MTA3: variants seen among roughly 807,000 people sequenced by gnomAD.
The protein encoded by MTA3 is metastasis-associated protein MTA3.
MTA3 carries 34 observed loss-of-function variants against 83.5 expected under a neutral mutation model. That is an observed-to-expected ratio of 0.41 (90% CI 0.31 to 0.54). The LOEUF is 0.54. Among genes scored for constraint, MTA3 ranks in the 20% least tolerant of loss-of-function variants. The pLI, the probability that MTA3 is intolerant of heterozygous loss-of-function variation, is 0.33. For synonymous variants in MTA3, 303 were observed against 252.7 expected (o/e 1.20, Z -1.89); for missense variants, 761 against 726.4 (o/e 1.05, Z -0.55).
chr2:42,674,227 A>C (rs1217049887), intron 8 of MTA3, among the ~76,000 whole-genome samples: 1 of 152,208 alleles, frequency 6.6e-6, no homozygotes, highest in Non-Finnish European at 1.5e-5. Flanking sequence ...GCCCAACATC[A>C]GTGGAGTGGA....
chr2:42,593,951 GTTTT>G (rs60176061), intron 3 of MTA3, among the ~76,000 whole-genome samples: 2 of 140,296 alleles, frequency 1.4e-5, no homozygotes, highest in Admixed American at 7.2e-5. Flanking sequence ...ATAGGATTAA[GTTTT>G]TTTTTTTTTT....
At chr2:42,514,715 G>T (rs1675062252) in intron 2 of MTA3, among the ~76,000 whole-genome samples, 1 of 39,812 alleles carries the variant, frequency 2.5e-5, no homozygotes, top group African/African-American at 1.1e-4. Context: ...TTTGAGACAG[G>T]GTCTCACTGT....
chr2:42,588,693 C>G (rs759712048), intron 3 of MTA3, among the ~76,000 whole-genome samples: 1 of 151,828 alleles, frequency 6.6e-6, no homozygotes, highest in South Asian at 2.1e-4. Context: ...TTCACCTATC[C>G]CTATAGGTGT....
chr2:42,514,601 C>G (rs1287757186), intron 2 of MTA3, among the ~76,000 whole-genome samples: 1 of 150,408 alleles, frequency 6.6e-6, no homozygotes, highest in East Asian at 2.0e-4. Context: ...CCAAGCTGCT[C>G]TCAAACTCTT....
chr2:42,749,186 C>A (rs1424840508), intron 16 of MTA3, among the ~76,000 whole-genome samples: 1 of 152,176 alleles, frequency 6.6e-6, no homozygotes, highest in Non-Finnish European at 1.5e-5. Context: ...TCTGTGTCTC[C>A]TTCCTCTGCA....
chr2:42,625,312 G>A (rs375587303), intron 4 of MTA3, among the ~76,000 whole-genome samples: 1 of 151,734 alleles, frequency 6.6e-6, no homozygotes, highest in Non-Finnish European at 1.5e-5. Context: ...GATTACAGGC[G>A]TGAGCCACCG....
At chr2:42,572,898 TTG>T (rs1308549637) in intron 2 of MTA3, among the ~76,000 whole-genome samples, 1 of 152,032 alleles carries the variant, frequency 6.6e-6, no homozygotes, top group East Asian at 1.9e-4. Context: ...TGGCTGTTTT[TTG>T]TGTGTTTATT....
intron 6 of MTA3, among the ~76,000 whole-genome samples, chr2:42,653,148 C>G (rs1236400034): frequency 6.6e-6 from 1 of 151,996 alleles, no homozygotes; most frequent in African/African-American, 2.4e-5. Context: ...TTAAACGAAG[C>G]AAAAATAGGA....
chr2:42,583,050 G>T (rs1435316382), intron 3 of MTA3, among the ~76,000 whole-genome samples: 1 of 151,808 alleles, frequency 6.6e-6, no homozygotes, highest in African/African-American at 2.4e-5. Flanking sequence ...ACTTCATTTT[G>T]TGTTATAGAT....
At chr2:42,736,880 T>G (rs1668648984) in intron 16 of MTA3, among the ~76,000 whole-genome samples, 1 of 152,172 alleles carries the variant, frequency 6.6e-6, no homozygotes, top group South Asian at 2.1e-4. Context: ...TTCAAGGCAG[T>G]GGGCTTTCTT....
intron 1 of MTA3, 142 bp from the exon 2 acceptor site, chr2:42,570,295 C>T: frequency 2.0e-6 from 1 of 503,460 alleles, no homozygotes; most frequent in Non-Finnish European, 3.6e-6. Context: ...TATATTAAGG[C>T]TGCATTATTA....
chr2:42,514,212 CA>C (rs1019974163), intron 2 of MTA3, among the ~76,000 whole-genome samples: 1 of 146,686 alleles, frequency 6.8e-6, no homozygotes, highest in Admixed American at 6.9e-5. Context: ...GACTCCGTCT[CA>C]AAAAAAAACA....
chr2:42,625,542 T>G lies in MTA3; in HGVS notation c.318-14631T>G, dbSNP rs567571649. On this transcript the variant is annotated intron_variant, in intron 4 of 16. Coordinates refer to ENST00000405094, the MANE Select transcript of MTA3 (RefSeq NM_001330442.2). The stretch of plus-strand genomic sequence containing the variant: ...TGGGCGGATCATGAGGTCAGGAGAT[T>G]GAGACCATCCTGGCTAACACGGTGA... 3.9e-4 allele frequency among the ~76,000 whole-genome samples: 58 copies of G among 150,322 alleles called. 1 individual carries two copies. The highest frequency in any genetic ancestry group is 1.4e-3 in the African/African-American group (58 of 40,468).
chr2:42,745,824 C>CTTTTTTTTTTTTTTTTTTTTTTTTTTT lies in MTA3; in HGVS notation c.1760-7542_1760-7541insTTTTTTTTTTTTTTTTTTTTTTTTTTT, dbSNP rs146921280. Among the ~76,000 whole-genome samples, 35 of 119,410 alleles carry CTTTTTTTTTTTTTTTTTTTTTTTTTTT rather than the reference C, an allele frequency of 2.9e-4. 8 individuals are homozygous for CTTTTTTTTTTTTTTTTTTTTTTTTTTT. The highest frequency in any genetic ancestry group is 5.8e-4 in the East Asian group (2 of 3,422). 78.3% of individuals were successfully genotyped at this position (119,410 alleles called of 152,430 possible). ...TTTTATGTCCTTTTGAAATAGTCCT[C>CTTTTTTTTTTTTTTTTTTTTTTTTTTT]TTTTTTTTGAGACAGAGTCTCGCTC... On this transcript the variant is annotated intron_variant, in intron 16 of 16. Coordinates refer to ENST00000405094, the MANE Select transcript of MTA3 (RefSeq NM_001330442.2).
At chr2:42,642,275 G>A (rs1264069390) in intron 5 of MTA3, among the ~76,000 whole-genome samples, 2 of 152,038 alleles carry the variant, frequency 1.3e-5, no homozygotes, top group Non-Finnish European at 2.9e-5. Flanking sequence ...TTATTATATT[G>A]TAGAGTATGG....
intron 4 of MTA3, among the ~76,000 whole-genome samples, chr2:42,623,734 C>CCAGG (rs1200340785): frequency 6.7e-6 from 1 of 149,788 alleles, no homozygotes; most frequent in Non-Finnish European, 1.5e-5. Context: ...AGTCTGTCGC[C>CCAGG]CAGGCAGGAG....
chr2:42,628,206 T>TTTTA (rs144338385), intron 4 of MTA3, among the ~76,000 whole-genome samples: 9,181 of 142,522 alleles, frequency 0.064, 368 homozygotes, highest in African/African-American at 0.12. Context: ...CTTCTTATCG[T>TTTTA]TTTATTTATT....
At chr2:42,730,751 T>C (rs551489446) in intron 16 of MTA3, among the ~76,000 whole-genome samples, 61 of 152,344 alleles carry the variant, frequency 4.0e-4, no homozygotes, top group Admixed American at 7.2e-4. Flanking sequence ...TTCTCCTTTA[T>C]TTTTTGGAGT....
At chr2:42,714,869 A>G (rs1398729338) in intron 14 of MTA3, among the ~76,000 whole-genome samples, 3 of 152,204 alleles carry the variant, frequency 2.0e-5, no homozygotes, top group African/African-American at 4.8e-5. Flanking sequence ...TAATGCTGCC[A>G]CTGACCTGAC....
Sources: gnomAD v4.1 joint callset for allele counts (sites outside exome capture counted in the v4.1 genomes callset) on GRCh38, gnomAD v4.1.1 for gene constraint, MANE v1.5 for transcripts, NCBI Gene and HGNC (gene_info 2026-07-23, HGNC 2026-07-21) for gene names.